ZNF184: variants seen among roughly 807,000 people sequenced by gnomAD.
ZNF184 encodes the protein zinc finger protein 184, also known as zinc finger protein 184 (Kruppel-like).
A neutral mutation model predicts 54.4 loss-of-function variants in ZNF184; 16 were observed. That is an observed-to-expected ratio of 0.29 (90% CI 0.20 to 0.45). The LOEUF (loss-of-function observed/expected upper bound fraction) is 0.45. Ranked by LOEUF, ZNF184 falls within the 20% of genes least tolerant of loss-of-function variation. ZNF184 has a pLI of 1.00. For missense variants in ZNF184, 681 were observed against 888.2 expected, an observed-to-expected ratio of 0.77 and a Z score of 2.97; for synonymous variants, 254 against 295.3, an observed-to-expected ratio of 0.86 and a Z score of 1.43.
chr6:27,437,588 T>G, the ZNF184 span, among the ~76,000 whole-genome samples: 1 of 152,242 alleles, frequency 6.6e-6, no homozygotes, highest in Admixed American at 6.5e-5. Context: ...ACTTCTGACC[T>G]ACAGAACTGT....
chr6:27,469,897 TA>T (rs779351352), intron 2 of ZNF184, among the ~76,000 whole-genome samples: 3 of 150,902 alleles, frequency 2.0e-5, no homozygotes, highest in East Asian at 1.9e-4. Context: ...CTTAAAACTA[TA>T]AAAAAAAATC....
At chr6:27,457,150 G>A in intron 4 of ZNF184, 133 bp downstream of exon 4, 3 of 1,273,646 alleles carry the variant, frequency 2.4e-6, no homozygotes, top group East Asian at 4.7e-5. Flanking sequence ...TTGCTAGGAT[G>A]GTAGAAACCT....
At chr6:27,456,185 G>T (rs1350315798) in intron 5 of ZNF184, among the ~76,000 whole-genome samples, 1 of 151,928 alleles carries the variant, frequency 6.6e-6, no homozygotes, top group African/African-American at 2.4e-5. Flanking sequence ...TCAAGCCTGG[G>T]AAGCAGAAGC....
At chr6:27,438,552 A>T in the ZNF184 span, among the ~76,000 whole-genome samples, 1 of 152,168 alleles carries the variant, frequency 6.6e-6, no homozygotes. Flanking sequence ...GGCAGTACAG[A>T]TCATACTGTC....
Position 27,457,418 on chromosome 6 carries a change from C to G in ZNF184, c.76-9G>C. The stretch of plus-strand genomic sequence containing the variant: ...TTGAAAGTCACCGCTTCCTGAAATA[C>G]CAAACATATTTCTGCTTAGCCATAA... On this transcript the variant is annotated splice_polypyrimidine_tract_variant and intron_variant, in intron 3 of 5. Coordinates refer to ENST00000683788, the MANE Select transcript of ZNF184 (RefSeq NM_001318891.2). The G allele has an allele frequency of 2.5e-6, 4 of 1,613,420 alleles. No individual in the cohort carries two copies. Among genetic ancestry groups the G allele is most frequent in the Non-Finnish European group, 3.4e-6 (4 of 1,179,724 alleles).
intron 3 of ZNF184, 32 bp downstream of exon 3, chr6:27,467,821 A>G (rs1358441151): frequency 1.1e-5 from 17 of 1,578,108 alleles, no homozygotes; most frequent in Non-Finnish European, 1.5e-5. Flanking sequence ...CCTCTAAAGA[A>G]TAAAATGGCA....
At chr6:27,440,725 C>T in the ZNF184 span, among the ~76,000 whole-genome samples, 2 of 151,962 alleles carry the variant, frequency 1.3e-5, no homozygotes, top group African/African-American at 4.8e-5. Context: ...AGGTGCAGGC[C>T]GGGCACGGTG....
At chr6:27,409,356 G>A in the ZNF184 span, among the ~76,000 whole-genome samples, 8 of 151,692 alleles carry the variant, frequency 5.3e-5, no homozygotes, top group East Asian at 3.9e-4. Context: ...AAAATTAGCC[G>A]GGCGTGGTGG....
At chr6:27,433,475 A>G in the ZNF184 span, among the ~76,000 whole-genome samples, 1 of 152,208 alleles carries the variant, frequency 6.6e-6, no homozygotes, top group Non-Finnish European at 1.5e-5. Context: ...TTTTCTGTCT[A>G]TTAAATAATA....
the ZNF184 span, among the ~76,000 whole-genome samples, chr6:27,423,831 G>A: frequency 0.03 from 4,642 of 152,260 alleles, 72 homozygotes; most frequent in African/African-American, 0.036. Flanking sequence ...TTTTTCCGAT[G>A]TTAATATTCT....
At chr6:27,422,151 AGAAAGAAAGAAAGAAAGAAAG>A in the ZNF184 span, among the ~76,000 whole-genome samples, 119 of 89,628 alleles carry the variant, frequency 1.3e-3, 14 homozygotes, top group African/African-American at 5.7e-3. Context: ...AAAAAAAAAA[AGAAAGAAAGAAAGAAAGAAAG>A]AAAGAAAGAA....
At chr6:27,441,868 T>A in the ZNF184 span, among the ~76,000 whole-genome samples, 1 of 152,202 alleles carries the variant, frequency 6.6e-6, no homozygotes, top group South Asian at 2.1e-4. Flanking sequence ...AAGACTGAAA[T>A]ACTTAGTGAA....
chr6:27,422,148 A>AAAAGAAAGAAAGAAAGAAAGAAAG, the ZNF184 span, among the ~76,000 whole-genome samples: 158 of 43,388 alleles, frequency 3.6e-3, no homozygotes, highest in Middle Eastern at 0.021. Flanking sequence ...CTCAAAAAAA[A>AAAAGAAAGAAAGAAAGAAAGAAAG]AAAGAAAGAA....
At chr6:27,455,434 G>A (rs528208267) in intron 5 of ZNF184, among the ~76,000 whole-genome samples, 1 of 152,086 alleles carries the variant, frequency 6.6e-6, no homozygotes, top group Non-Finnish European at 1.5e-5. Context: ...GTTTAAAATG[G>A]TTTTCTATCT....
chr6:27,418,310 G>A, the ZNF184 span, among the ~76,000 whole-genome samples: 10 of 152,180 alleles, frequency 6.6e-5, no homozygotes, highest in East Asian at 9.6e-4. Flanking sequence ...GCTCCTGGGT[G>A]GACTCCACAT....
chr6:27,413,839 G>A, the ZNF184 span, among the ~76,000 whole-genome samples: 2 of 152,158 alleles, frequency 1.3e-5, no homozygotes, highest in East Asian at 3.9e-4. Context: ...GCTAAGTTTA[G>A]GGTTTGAAAC....
intron 3 of ZNF184, among the ~76,000 whole-genome samples, chr6:27,463,285 G>GAAA (rs550261507): frequency 7.7e-6 from 1 of 130,560 alleles, no homozygotes. Flanking sequence ...TAATAATAAA[G>GAAA]AAAAAAAAAA....
At chr6:27,443,564 C>T in the ZNF184 span, among the ~76,000 whole-genome samples, 1 of 152,090 alleles carries the variant, frequency 6.6e-6, no homozygotes, top group Non-Finnish European at 1.5e-5. Flanking sequence ...CCACCTCAGA[C>T]ATCCACACCA....
chr6:27,464,233 T>C (rs1464094326), intron 3 of ZNF184, among the ~76,000 whole-genome samples: 3 of 152,340 alleles, frequency 2.0e-5, no homozygotes, highest in East Asian at 3.9e-4. Flanking sequence ...GTAATAATTA[T>C]ACACAATTAT....
Sources: gnomAD v4.1 joint callset for allele counts (sites outside exome capture counted in the v4.1 genomes callset) on GRCh38, gnomAD v4.1.1 for gene constraint, MANE v1.5 for transcripts, NCBI Gene and HGNC (gene_info 2026-07-23, HGNC 2026-07-21) for gene names.